Variants in LRBA observed in about 807,000 individuals in gnomAD.
LRBA encodes the protein LPS responsive beige-like anchor protein, also known as lipopolysaccharide-responsive and beige-like anchor protein.
In LRBA, 176 loss-of-function variants were observed where a neutral mutation model predicts 330.0. The ratio of observed to expected loss-of-function variants is 0.53; its 90% confidence interval spans 0.47 to 0.60. The LOEUF (loss-of-function observed/expected upper bound fraction) is 0.60, where lower values mean the gene tolerates loss of function less well. Ranked by LOEUF, LRBA falls within the 20% of genes least tolerant of loss-of-function variation. The pLI is 0.00. For missense variants in LRBA, 3,259 were observed against 3,444.8 expected, an observed-to-expected ratio of 0.95 and a Z score of 1.35; for synonymous variants, 1,230 against 1,193.0, an observed-to-expected ratio of 1.03 and a Z score of -0.64.
Position 150,574,737 on chromosome 4 carries a change from C to T in LRBA, c.6330+13311G>A, listed in dbSNP as rs775582907. Among the ~76,000 whole-genome samples, 6 of 151,856 alleles carry T rather than the reference C, an allele frequency of 4.0e-5. 1 individual carries two copies. Among genetic ancestry groups the T allele is most frequent in the South Asian group, 2.1e-4 (1 of 4,818 alleles). ...GATTAGCAGAAAAGATTAGATTATT[C>T]GTAGAGCATTTAACCAAAAAGTTAC... On this transcript the variant is annotated intron_variant, in intron 40 of 56. Transcript: ENST00000651943.
At chr4:150,976,175 G>GAAAAAAAAA (rs56914557) in intron 2 of LRBA, among the ~76,000 whole-genome samples, 3 of 88,726 alleles carry the variant, frequency 3.4e-5, no homozygotes, top group Non-Finnish European at 6.9e-5. Flanking sequence ...ACTCCGTCTT[G>GAAAAAAAAA]AAAAAAAAAA....
chr4:150,465,063 C>T (rs1357497934), intron 44 of LRBA, among the ~76,000 whole-genome samples: 1 of 152,006 alleles, frequency 6.6e-6, no homozygotes, highest in Non-Finnish European at 1.5e-5. Context: ...CATTCTCTCC[C>T]TCACCCCAGG....
At chr4:150,950,964 G>A (rs1736775694) in intron 2 of LRBA, among the ~76,000 whole-genome samples, 1 of 152,194 alleles carries the variant, frequency 6.6e-6, no homozygotes, top group Non-Finnish European at 1.5e-5. Context: ...AGGTGAAAAA[G>A]AAGGGCTCTT....
At chr4:150,685,560 A>C (rs550712635) in intron 36 of LRBA, among the ~76,000 whole-genome samples, 1 of 146,030 alleles carries the variant, frequency 6.8e-6, no homozygotes, top group African/African-American at 2.5e-5. Context: ...CGACCTCCCG[A>C]GTAGCTGGGA....
chr4:150,311,223 C>A (rs1271933668), intron 51 of LRBA: 1 of 152,074 alleles, frequency 6.6e-6, no homozygotes, highest in Non-Finnish European at 1.5e-5. Context: ...GCATTGAGGC[C>A]AACCAAATAG....
chr4:151,008,799 G>A (rs1411634101), intron 2 of LRBA, among the ~76,000 whole-genome samples: 9 of 149,596 alleles, frequency 6.0e-5, no homozygotes, highest in Admixed American at 1.3e-4. Flanking sequence ...GTGGTGAAAC[G>A]CCATCTCTAC....
At chr4:150,347,001 G>GTATA (rs59975091) in intron 48 of LRBA, among the ~76,000 whole-genome samples, 16 of 151,518 alleles carry the variant, frequency 1.1e-4, no homozygotes, top group Middle Eastern at 3.4e-3. Flanking sequence ...ACAAAATGTG[G>GTATA]TATATATATA....
intron 54 of LRBA, among the ~76,000 whole-genome samples, chr4:150,284,704 T>C (rs903430615): frequency 1.3e-5 from 2 of 152,162 alleles, no homozygotes; most frequent in Non-Finnish European, 2.9e-5. Context: ...TCTTAATTTT[T>C]TTGTAGAGAT....
intron 35 of LRBA, among the ~76,000 whole-genome samples, chr4:150,758,911 C>G (rs1270221015): frequency 1.3e-5 from 2 of 151,844 alleles, no homozygotes; most frequent in African/African-American, 4.8e-5. Flanking sequence ...CTACATGCAT[C>G]AGCCATAGTC....
intron 37 of LRBA, among the ~76,000 whole-genome samples, chr4:150,646,823 A>G (rs1220605049): frequency 6.6e-6 from 1 of 152,156 alleles, no homozygotes; most frequent in Non-Finnish European, 1.5e-5. Flanking sequence ...ATAACATGCA[A>G]AAGAAATGCT....
chr4:150,285,014 G>A (rs1485361379), intron 54 of LRBA, among the ~76,000 whole-genome samples: 1 of 152,146 alleles, frequency 6.6e-6, no homozygotes, highest in East Asian at 1.9e-4. Context: ...TGAAATTATT[G>A]AGTATAAGGG....
intron 52 of LRBA, among the ~76,000 whole-genome samples, chr4:150,306,625 G>A (rs561187876): frequency 2.0e-5 from 3 of 149,458 alleles, no homozygotes; most frequent in South Asian, 2.1e-4. Flanking sequence ...TTATTTGTAC[G>A]TTTTATACAC....
At chr4:150,568,755 A>C (rs912552709) in intron 40 of LRBA, among the ~76,000 whole-genome samples, 2 of 152,156 alleles carry the variant, frequency 1.3e-5, no homozygotes, top group African/African-American at 4.8e-5. Flanking sequence ...AAGCATTCTA[A>C]AACTCCATCC....
intron 36 of LRBA, among the ~76,000 whole-genome samples, chr4:150,720,034 A>G (rs10520078): frequency 0.7 from 106,975 of 152,056 alleles, 42,662 homozygotes; most frequent in Non-Finnish European, 0.9. Context: ...CTTCCTCTTC[A>G]TGATAGGCCA....
chr4:150,838,008 T>G (rs1444560745), intron 28 of LRBA, among the ~76,000 whole-genome samples: 3 of 152,180 alleles, frequency 2.0e-5, no homozygotes, highest in Admixed American at 6.5e-5. Context: ...TCTCTCAGCA[T>G]TTACTTGTCT....
chr4:150,395,828 G>A (rs1420981115), intron 47 of LRBA, among the ~76,000 whole-genome samples: 2 of 152,022 alleles, frequency 1.3e-5, no homozygotes, highest in African/African-American at 2.4e-5. Flanking sequence ...CAGTGTCTGG[G>A]AAAGGTTTGA....
At chr4:150,604,216 C>A (rs917249390) in intron 37 of LRBA, among the ~76,000 whole-genome samples, 4 of 151,756 alleles carry the variant, frequency 2.6e-5, no homozygotes, top group Admixed American at 2.0e-4. Flanking sequence ...CAAGACCAGC[C>A]TGGGCAACAT....
chr4:150,284,141 T>TG (rs1747875152), intron 54 of LRBA, among the ~76,000 whole-genome samples: 1 of 152,126 alleles, frequency 6.6e-6, no homozygotes, highest in African/African-American at 2.4e-5. Context: ...ACTGTAGATA[T>TG]GCAGCCAGGA....
chr4:150,884,231 T>A (rs1485720163), intron 17 of LRBA, among the ~76,000 whole-genome samples: 4 of 152,164 alleles, frequency 2.6e-5, no homozygotes, highest in Non-Finnish European at 5.9e-5. Flanking sequence ...TACGAATCAA[T>A]GGGAGAAACC....
Sources: allele counts gnomAD v4.1 joint callset (sites outside exome capture counted in the v4.1 genomes callset), GRCh38; gene constraint gnomAD v4.1.1; transcripts MANE v1.5; gene names NCBI Gene and HGNC (gene_info 2026-07-23, HGNC 2026-07-21).